The following PPP3CA variants were observed in gnomAD, a reference collection of about 807,000 sequenced individuals.
The protein encoded by PPP3CA is CAM-PRP catalytic subunit.
Under a neutral mutation model 66.5 loss-of-function variants are expected in PPP3CA, and 14 were observed. The ratio of observed to expected loss-of-function variants is 0.21; its 90% CI spans 0.14 to 0.33. PPP3CA has a LOEUF of 0.33. Ranked by LOEUF, PPP3CA falls within the 10% of genes least tolerant of loss-of-function variation. The probability of loss-of-function intolerance (pLI) is 1.00; values close to 1 mark genes in which losing one functional copy is unlikely to be tolerated. For missense variants in PPP3CA, 317 were observed against 639.5 expected, an observed-to-expected ratio of 0.50 and a Z score of 5.44; for synonymous variants, 232 against 226.2, an observed-to-expected ratio of 1.03 and a Z score of -0.23.
intron 2 of PPP3CA, among the ~76,000 whole-genome samples, chr4:101,159,543 T>G (rs980913943): frequency 1.3e-5 from 2 of 152,180 alleles, no homozygotes; most frequent in African/African-American, 4.8e-5. Flanking sequence ...GTTTTGTCAC[T>G]TGAGTGAACT....
At chr4:101,199,347 TACA>T (rs1274339449) in intron 1 of PPP3CA, among the ~76,000 whole-genome samples, 3 of 151,332 alleles carry the variant, frequency 2.0e-5, no homozygotes, top group Admixed American at 6.6e-5. Flanking sequence ...CTTTGAGTCT[TACA>T]ACAAGTTGCT....
chr4:101,248,008 GT>G (rs924956221), intron 1 of PPP3CA, among the ~76,000 whole-genome samples: 4 of 152,158 alleles, frequency 2.6e-5, no homozygotes, highest in Non-Finnish European at 4.4e-5. Flanking sequence ...GAGAGTAGGT[GT>G]TTAATTAACT....
At chr4:101,161,196 T>C (rs562228139) in intron 2 of PPP3CA, among the ~76,000 whole-genome samples, 1 of 152,288 alleles carries the variant, frequency 6.6e-6, no homozygotes, top group East Asian at 1.9e-4. Flanking sequence ...TTTATATAAA[T>C]AGACCCTGTA....
At chr4:101,122,545 G>A (rs1722063832) in intron 2 of PPP3CA, among the ~76,000 whole-genome samples, 2 of 152,160 alleles carry the variant, frequency 1.3e-5, no homozygotes, top group Admixed American at 6.6e-5. Flanking sequence ...AGGAAAAGAA[G>A]GTTGGCTGAC....
intron 2 of PPP3CA, among the ~76,000 whole-genome samples, chr4:101,188,223 T>C (rs1000696485): frequency 6.6e-6 from 1 of 152,100 alleles, no homozygotes; most frequent in Admixed American, 6.6e-5. Flanking sequence ...GACAAAAATA[T>C]ATGAATCTGA....
intron 11 of PPP3CA, among the ~76,000 whole-genome samples, chr4:101,038,593 C>T (rs909895128): frequency 6.6e-6 from 1 of 152,054 alleles, no homozygotes; most frequent in Admixed American, 6.5e-5. Context: ...TGGTCTCGAA[C>T]TTCTGACCTT....
At chr4:101,276,124 G>A (rs557968437) in intron 1 of PPP3CA, among the ~76,000 whole-genome samples, 52 of 151,920 alleles carry the variant, frequency 3.4e-4, no homozygotes, top group Non-Finnish European at 5.7e-4. Flanking sequence ...CGAACTCCTG[G>A]CATCAAGCAA....
rs552020671 is a variant in PPP3CA, at chr4:101,132,250, A to T, written c.260-23172T>A. On this transcript the variant is annotated intron_variant, in intron 2 of 13. Coordinates refer to ENST00000394854, the MANE Select transcript of PPP3CA (RefSeq NM_000944.5). The stretch of plus-strand genomic sequence containing the variant: ...TAGCAGAAGACAAGAAATAACTAAG[A>T]TCAGAGCAGAACCAAAGGACATAGA... Among the ~76,000 whole-genome samples, 4 of 152,298 alleles carry T rather than the reference A, an allele frequency of 2.6e-5. No individual in the cohort carries two copies. The East Asian group carries it at 7.7e-4, about 29-fold the overall frequency.
intron 1 of PPP3CA, among the ~76,000 whole-genome samples, chr4:101,321,848 A>C (rs1729050332): frequency 6.6e-6 from 1 of 152,230 alleles, no homozygotes; most frequent in South Asian, 2.1e-4. Context: ...TTTTAATAGC[A>C]GTACTCTGTG....
chr4:101,255,119 T>C (rs974879463), intron 1 of PPP3CA, among the ~76,000 whole-genome samples: 1 of 151,670 alleles, frequency 6.6e-6, no homozygotes, highest in Non-Finnish European at 1.5e-5. Flanking sequence ...ATTTTTTTCT[T>C]TGAGGAAACA....
intron 2 of PPP3CA, among the ~76,000 whole-genome samples, chr4:101,154,219 C>T (rs1038623431): frequency 2.0e-5 from 3 of 152,126 alleles, no homozygotes; most frequent in Non-Finnish European, 2.9e-5. Context: ...GTGAATGGTC[C>T]TGTTAGCTAA....
chr4:101,109,279 T>C (rs1283440547), intron 2 of PPP3CA, among the ~76,000 whole-genome samples: 1 of 133,664 alleles, frequency 7.5e-6, no homozygotes, highest in Admixed American at 8.5e-5. Context: ...TTGGCTCTAA[T>C]GTCTGAGTCC....
At chr4:101,270,293 C>T (rs1560690664) in intron 1 of PPP3CA, among the ~76,000 whole-genome samples, 1 of 152,034 alleles carries the variant, frequency 6.6e-6, no homozygotes. Context: ...AAACCTTTAT[C>T]AATTGTTGTA....
chr4:101,211,501 C>T (rs1358589993), intron 1 of PPP3CA, among the ~76,000 whole-genome samples: 1 of 152,140 alleles, frequency 6.6e-6, no homozygotes, highest in Admixed American at 6.5e-5. Flanking sequence ...GGCTCTTCTG[C>T]CTGCTTAATT....
chr4:101,108,484 C>T (rs901541317), intron 3 of PPP3CA, among the ~76,000 whole-genome samples: 1 of 152,040 alleles, frequency 6.6e-6, no homozygotes, highest in Non-Finnish European at 1.5e-5. Flanking sequence ...ATGGGAATCA[C>T]GCCGGGCATG....
Position 101,106,458 on chromosome 4 carries a change from A to AGAAAGAAGAGAAGAGAAGAGAAG in PPP3CA, c.384+2495_384+2496insCTTCTCTTCTCTTCTCTTCTTTC, listed in dbSNP as rs1560605216. Among the ~76,000 whole-genome samples, 34 of 32,676 alleles carry AGAAAGAAGAGAAGAGAAGAGAAG rather than the reference A, an allele frequency of 1.0e-3. 6 individuals are homozygous for AGAAAGAAGAGAAGAGAAGAGAAG. The highest frequency in any genetic ancestry group is 1.6e-3 in the African/African-American group (9 of 5,572). 21.4% of individuals were successfully genotyped at this position (32,676 alleles called of 152,430 possible). A position where few individuals can be genotyped will look rare whatever the true frequency, so the allele number is the denominator to read the frequency against. On this transcript the variant is annotated intron_variant, in intron 3 of 13. Transcript: ENST00000394854. ...GAAAGAAAGAAAGAAAGAAAGAGAA[A>AGAAAGAAGAGAAGAGAAGAGAAG]AGAAAAGAAAAGAAAAGAAAAGAAA... is the stretch of plus-strand genomic sequence containing the variant.
chr4:101,212,928 G>C (rs1009104630), intron 1 of PPP3CA, among the ~76,000 whole-genome samples: 1 of 151,934 alleles, frequency 6.6e-6, no homozygotes, highest in Non-Finnish European at 1.5e-5. Flanking sequence ...TTTTCTTAGC[G>C]ATCTGAATAA....
At chr4:101,055,119 A>G (rs1385013285) in intron 10 of PPP3CA, among the ~76,000 whole-genome samples, 1 of 152,112 alleles carries the variant, frequency 6.6e-6, no homozygotes, top group Non-Finnish European at 1.5e-5. Flanking sequence ...AGGACCTAAA[A>G]GACAGTCCCA....
chr4:101,223,831 A>G (rs902961860), intron 1 of PPP3CA, among the ~76,000 whole-genome samples: 1 of 151,864 alleles, frequency 6.6e-6, no homozygotes, highest in African/African-American at 2.4e-5. Context: ...CTCTCATTCA[A>G]CAGGCAAAAA....
Sources: allele counts gnomAD v4.1 joint callset (sites outside exome capture counted in the v4.1 genomes callset), GRCh38; gene constraint gnomAD v4.1.1; transcripts MANE v1.5; gene names NCBI Gene and HGNC (gene_info 2026-07-23, HGNC 2026-07-21).